DKK2: variants seen among roughly 807,000 people sequenced by gnomAD.
The protein encoded by DKK2 is dickkopf-related protein 2.
DKK2 carries 11 observed loss-of-function variants against 28.1 expected under a neutral mutation model. That is an observed-to-expected ratio of 0.39 (90% confidence interval 0.25 to 0.65). The LOEUF (loss-of-function observed/expected upper bound fraction) is 0.65, where lower values mean the gene tolerates loss of function less well. Ranked by LOEUF, DKK2 falls within the 30% of genes least tolerant of loss-of-function variation. The pLI is 0.47. For synonymous variants in DKK2, 135 were observed against 126.5 expected, an observed-to-expected ratio of 1.07 and a Z score of -0.45; for missense variants, 326 against 335.5, an observed-to-expected ratio of 0.97 and a Z score of 0.22.
At chr4:106,986,095 G>T (rs930800428) in intron 1 of DKK2, among the ~76,000 whole-genome samples, 1 of 152,092 alleles carries the variant, frequency 6.6e-6, no homozygotes, top group Non-Finnish European at 1.5e-5. Context: ...ACAGTGTGCT[G>T]CACACAGTGT....
At chr4:106,931,230 TA>T (rs1332001338) in intron 1 of DKK2, among the ~76,000 whole-genome samples, 2 of 152,138 alleles carry the variant, frequency 1.3e-5, no homozygotes, top group African/African-American at 4.8e-5. Flanking sequence ...ATATTAAATT[TA>T]AGGGGAAAAG....
At chr4:106,987,279 CTAATTA>C in intron 1 of DKK2, among the ~76,000 whole-genome samples, 1 of 152,274 alleles carries the variant, frequency 6.6e-6, no homozygotes, top group South Asian at 2.1e-4. Context: ...TGAGCTCTTT[CTAATTA>C]TAATTTTCAA....
chr4:107,013,936 C>G (rs1723552176), intron 1 of DKK2, among the ~76,000 whole-genome samples: 1 of 151,258 alleles, frequency 6.6e-6, no homozygotes, highest in African/African-American at 2.4e-5. Flanking sequence ...TGCTAAACAT[C>G]AGTAATCATC....
At chr4:107,012,536 C>T (rs908981890) in intron 1 of DKK2, among the ~76,000 whole-genome samples, 3 of 151,246 alleles carry the variant, frequency 2.0e-5, no homozygotes, top group Admixed American at 6.6e-5. Context: ...GTAAGAAGTA[C>T]TCAAAATAGG....
intron 1 of DKK2, among the ~76,000 whole-genome samples, chr4:106,995,886 C>T (rs1723265664): frequency 6.6e-6 from 1 of 152,170 alleles, no homozygotes; most frequent in Non-Finnish European, 1.5e-5. Context: ...GCTGGGATTA[C>T]AGGCGTGAGC....
chr4:107,007,191 G>A (rs1723450050), intron 1 of DKK2, among the ~76,000 whole-genome samples: 1 of 152,030 alleles, frequency 6.6e-6, no homozygotes. Flanking sequence ...TGATTTGTTT[G>A]TGATGATTTT....
At chr4:106,924,912 G>C (rs978733296) in intron 2 of DKK2, among the ~76,000 whole-genome samples, 4 of 152,098 alleles carry the variant, frequency 2.6e-5, no homozygotes, top group Non-Finnish European at 5.9e-5. Context: ...TCTCTCTCAA[G>C]ACCAAGTGAC....
At chr4:106,953,737 T>C (rs548144860) in intron 1 of DKK2, among the ~76,000 whole-genome samples, 65 of 152,322 alleles carry the variant, frequency 4.3e-4, no homozygotes, top group African/African-American at 1.5e-3. Context: ...CTTTCTGACA[T>C]TTCAGAATCA....
intron 1 of DKK2, among the ~76,000 whole-genome samples, chr4:107,012,742 A>G (rs1022688934): frequency 2.0e-5 from 3 of 151,062 alleles, no homozygotes; most frequent in Admixed American, 6.6e-5. Context: ...GTTTATCATG[A>G]TATTGCAGCA....
At chr4:107,018,987 T>C (rs1406848581) in intron 1 of DKK2, among the ~76,000 whole-genome samples, 1 of 152,030 alleles carries the variant, frequency 6.6e-6, no homozygotes, top group Non-Finnish European at 1.5e-5. Context: ...TTGGTGGTGG[T>C]TTTTAGTTGT....
intron 1 of DKK2, among the ~76,000 whole-genome samples, chr4:106,928,750 A>C (rs1037167179): frequency 3.3e-5 from 5 of 152,192 alleles, no homozygotes; most frequent in Admixed American, 6.5e-5. Context: ...CTAACCCATT[A>C]ATAACAATTC....
At chr4:106,985,578 G>C (rs1723104301) in intron 1 of DKK2, among the ~76,000 whole-genome samples, 1 of 152,102 alleles carries the variant, frequency 6.6e-6, no homozygotes, top group South Asian at 2.1e-4. Context: ...GGAGGTGAAA[G>C]CAGGCAGATC....
chr4:106,940,576 A>T (rs1305937767), intron 1 of DKK2, among the ~76,000 whole-genome samples: 2 of 150,882 alleles, frequency 1.3e-5, no homozygotes, highest in Admixed American at 6.6e-5. Flanking sequence ...CTAGAACTGG[A>T]AATACCATTT....
In DKK2 at chr4:107,017,639, G is replaced by GA. The variant is rs542470290; in HGVS notation, c.222+17730dup. Among the ~76,000 whole-genome samples, 1,184 of 147,056 alleles carry GA rather than the reference G, an allele frequency of 8.1e-3. 8 individuals carry two copies. Among genetic ancestry groups the GA allele is most frequent in the African/African-American group, 0.025 (1,019 of 40,014 alleles). ...AAAAGTTCTTAAATATTGCTTTCTT[G>GA]AAAAAAAAAACTTCAAAACATCTGG... On this transcript the variant is annotated intron_variant, in intron 1 of 3. Coordinates refer to ENST00000285311, the MANE Select transcript of DKK2 (RefSeq NM_014421.3).
At chr4:106,940,136 G>A (rs1724671153) in intron 1 of DKK2, among the ~76,000 whole-genome samples, 1 of 152,194 alleles carries the variant, frequency 6.6e-6, no homozygotes, top group Non-Finnish European at 1.5e-5. Context: ...AAGAGCTTCT[G>A]CACAGCAAAA....
chr4:106,969,710 G>A (rs1432267604), intron 1 of DKK2, among the ~76,000 whole-genome samples: 1 of 151,944 alleles, frequency 6.6e-6, no homozygotes, highest in Non-Finnish European at 1.5e-5. Context: ...GAAGAGAGCA[G>A]GGACCAAAAA....
At chr4:107,012,196 G>T (rs926895788) in intron 1 of DKK2, among the ~76,000 whole-genome samples, 1 of 151,304 alleles carries the variant, frequency 6.6e-6, no homozygotes, top group African/African-American at 2.4e-5. Context: ...TTTAAACACA[G>T]ATTTTAAAGA....
chr4:106,928,605 AG>A (rs1203852095), intron 1 of DKK2, among the ~76,000 whole-genome samples: 8 of 152,206 alleles, frequency 5.3e-5, no homozygotes, highest in Non-Finnish European at 8.8e-5. Flanking sequence ...AGAAGAGTAT[AG>A]GGAAAGCAAG....
intron 1 of DKK2, among the ~76,000 whole-genome samples, chr4:106,981,412 G>T (rs1723025479): frequency 6.6e-6 from 1 of 152,040 alleles, no homozygotes; most frequent in African/African-American, 2.4e-5. Context: ...CTTATTTAAA[G>T]CCTGTATCTT....
Sources: allele counts gnomAD v4.1 joint callset (sites outside exome capture counted in the v4.1 genomes callset), GRCh38; gene constraint gnomAD v4.1.1; transcripts MANE v1.5; gene names NCBI Gene and HGNC (gene_info 2026-07-23, HGNC 2026-07-21).